TCF4: variants seen among roughly 807,000 people sequenced by gnomAD.
TCF4 encodes the protein SL3-3 enhancer factor 2.
A neutral mutation model predicts 82.1 loss-of-function variants in TCF4; 3 were observed. The observed-to-expected ratio is 0.04, with a 90% CI of 0.02 to 0.09. The LOEUF is 0.09. Among genes scored for constraint, TCF4 ranks in the 10% least tolerant of loss-of-function variants. TCF4 has a pLI of 1.00. For missense variants in TCF4, 518 were observed against 852.7 expected, an observed-to-expected ratio of 0.61 and a Z score of 4.89; for synonymous variants, 276 against 309.6, an observed-to-expected ratio of 0.89 and a Z score of 1.14.
At chr18:55,484,575 G>T (rs1378592715) in intron 3 of TCF4, among the ~76,000 whole-genome samples, 5 of 152,162 alleles carry the variant, frequency 3.3e-5, no homozygotes, top group Non-Finnish European at 7.3e-5. Context: ...TTTCTTAATT[G>T]TGCATGGCAG....
At chr18:55,303,337 G>A (rs1411711588) in intron 8 of TCF4, among the ~76,000 whole-genome samples, 1 of 151,562 alleles carries the variant, frequency 6.6e-6, no homozygotes, top group Non-Finnish European at 1.5e-5. Flanking sequence ...ATGCAGGATC[G>A]CTTTCCCTCC....
At chr18:55,426,261 A>G (rs1018508908) in intron 5 of TCF4, among the ~76,000 whole-genome samples, 8 of 152,146 alleles carry the variant, frequency 5.3e-5, no homozygotes, top group Non-Finnish European at 1.0e-4. Context: ...GCAGTCCTAT[A>G]AAAGGACAAG....
chr18:55,588,531 T>G, upstream of TCF4: 1 of 1,533,282 alleles, frequency 6.5e-7, no homozygotes, highest in Non-Finnish European at 8.7e-7. Flanking sequence ...TTTTGCCCGT[T>G]GCATCCCTCG....
intron 8 of TCF4, among the ~76,000 whole-genome samples, chr18:55,300,690 G>GA (rs2067970113): frequency 6.6e-6 from 1 of 152,156 alleles, no homozygotes; most frequent in Non-Finnish European, 1.5e-5. Context: ...CCACAAAATA[G>GA]AAAAGCACAT....
intron 8 of TCF4, among the ~76,000 whole-genome samples, chr18:55,302,154 A>C (rs2068526580): frequency 6.6e-6 from 1 of 152,258 alleles, no homozygotes. Flanking sequence ...GCACTTGCCA[A>C]GGACCCTCGG....
intron 8 of TCF4, among the ~76,000 whole-genome samples, chr18:55,298,373 G>C (rs2146849347): frequency 6.6e-6 from 1 of 152,272 alleles, no homozygotes; most frequent in South Asian, 2.1e-4. Flanking sequence ...ATTCAAAACA[G>C]TCTTCTCAAA....
At chr18:55,465,465 C>T (rs2095993580) in intron 3 of TCF4, among the ~76,000 whole-genome samples, 1 of 151,372 alleles carries the variant, frequency 6.6e-6, no homozygotes, top group Non-Finnish European at 1.5e-5. Context: ...TTAGTTGGTG[C>T]TTCAGCAGAT....
In TCF4 at chr18:55,450,190, C is replaced by T. The variant is rs116398958; in HGVS notation, c.304+10829G>A. ...CACAGTGCTCTGCTAGGTCCACCAT[C>T]CACCACTTCCCCCATGTTAGTTCTC... On this transcript the variant is annotated intron_variant, in intron 5 of 19. Coordinates refer to ENST00000354452, the MANE Select transcript of TCF4 (RefSeq NM_001083962.2). Among the ~76,000 whole-genome samples, 697 of 152,300 alleles carry T rather than the reference C, an allele frequency of 4.6e-3. 5 individuals carry two copies. The highest frequency in any genetic ancestry group is 0.016 in the African/African-American group (653 of 41,564).
At chr18:55,431,762 T>G (rs1230458887) in intron 5 of TCF4, among the ~76,000 whole-genome samples, 1 of 152,182 alleles carries the variant, frequency 6.6e-6, no homozygotes, top group African/African-American at 2.4e-5. Flanking sequence ...CAGGTGCTGG[T>G]GGTATCTCTC....
intron 3 of TCF4, among the ~76,000 whole-genome samples, chr18:55,538,678 G>GA (rs1248244235): frequency 6.6e-6 from 1 of 152,098 alleles, no homozygotes; most frequent in Non-Finnish European, 1.5e-5. Context: ...AATTCAAAGG[G>GA]AAACAGAACA....
intron 6 of TCF4, among the ~76,000 whole-genome samples, chr18:55,396,261 G>A (rs2093483540): frequency 6.6e-6 from 1 of 152,160 alleles, no homozygotes; most frequent in African/African-American, 2.4e-5. Flanking sequence ...CAAATGATTT[G>A]AGGTCTACTT....
intron 6 of TCF4, among the ~76,000 whole-genome samples, chr18:55,376,853 C>A (rs1026713372): frequency 1.3e-5 from 2 of 152,200 alleles, no homozygotes; most frequent in Non-Finnish European, 2.9e-5. Context: ...ATTAATCAAG[C>A]CTTTTTTACA....
chr18:55,554,188 C>G (rs1319561256), intron 3 of TCF4, among the ~76,000 whole-genome samples: 1 of 152,028 alleles, frequency 6.6e-6, no homozygotes, highest in Non-Finnish European at 1.5e-5. Context: ...ATATATTAGA[C>G]TCTTATGGGT....
intron 8 of TCF4, among the ~76,000 whole-genome samples, chr18:55,327,195 T>A (rs1490594422): frequency 1.3e-5 from 2 of 152,096 alleles, no homozygotes; most frequent in Non-Finnish European, 2.9e-5. Context: ...TTATTTTAAA[T>A]TTTTTTTCAA....
chr18:55,328,938 G>A (rs1265872029), intron 8 of TCF4, among the ~76,000 whole-genome samples: 1 of 152,104 alleles, frequency 6.6e-6, no homozygotes, highest in Non-Finnish European at 1.5e-5. Flanking sequence ...AATTTCCTGA[G>A]GTTTCTAACT....
intron 8 of TCF4, among the ~76,000 whole-genome samples, chr18:55,349,244 T>A (rs2144726411): frequency 6.6e-6 from 1 of 152,270 alleles, no homozygotes; most frequent in Admixed American, 6.5e-5. Flanking sequence ...AATTTACTCT[T>A]TTTCCTGATA....
intron 3 of TCF4, among the ~76,000 whole-genome samples, chr18:55,473,504 C>A (rs1347990481): frequency 6.6e-6 from 1 of 152,174 alleles, no homozygotes; most frequent in Non-Finnish European, 1.5e-5. Flanking sequence ...CACCACAACC[C>A]CTTTTGCTTA....
At chr18:55,487,505 A>T (rs2096529977) in intron 3 of TCF4, among the ~76,000 whole-genome samples, 1 of 152,232 alleles carries the variant, frequency 6.6e-6, no homozygotes, top group African/African-American at 2.4e-5. Flanking sequence ...AAAATTCAGA[A>T]TCTTTGTCAC....
At chr18:55,323,157 G>C (rs2076000143) in intron 8 of TCF4, among the ~76,000 whole-genome samples, 1 of 152,160 alleles carries the variant, frequency 6.6e-6, no homozygotes, top group African/African-American at 2.4e-5. Flanking sequence ...AAGAAAGGGA[G>C]GGATGTGGGG....
Sources: allele counts gnomAD v4.1 joint callset (sites outside exome capture counted in the v4.1 genomes callset), GRCh38; gene constraint gnomAD v4.1.1; transcripts MANE v1.5; gene names NCBI Gene and HGNC (gene_info 2026-07-23, HGNC 2026-07-21).